Variants in ANOS1 observed in about 807,000 individuals in gnomAD.
The protein encoded by ANOS1 is anosmin 1, also known as anosmin-1.
A neutral mutation model predicts 59.0 loss-of-function variants in ANOS1; 6 were observed. The observed-to-expected ratio is 0.10, with a 90% CI of 0.06 to 0.20. The LOEUF is 0.20. ANOS1 is among the 10% of genes least tolerant of loss of function. ANOS1 has a pLI of 1.00. For synonymous variants in ANOS1, 217 were observed against 223.4 expected, an observed-to-expected ratio of 0.97 and a Z score of 0.25; for missense variants, 433 against 542.3, an observed-to-expected ratio of 0.80 and a Z score of 2.00.
chrX:8,625,841 G>A (rs1020623085), intron 2 of ANOS1, among the ~76,000 whole-genome samples: 5 of 110,526 alleles, frequency 4.5e-5, no homozygotes, highest in African/African-American at 6.6e-5. Context: ...GGCCGGGCAC[G>A]GTGGCTCACA....
At chrX:8,675,026 C>G (rs1198691597) in intron 2 of ANOS1, among the ~76,000 whole-genome samples, 1 of 111,778 alleles carries the variant, frequency 8.9e-6, no homozygotes, top group Admixed American at 9.5e-5. Flanking sequence ...CCACAGCCCA[C>G]TTTTGGTGGA....
At chrX:8,666,066 C>G in intron 2 of ANOS1, among the ~76,000 whole-genome samples, 1 of 110,341 alleles carries the variant, frequency 9.1e-6, no homozygotes, top group Middle Eastern at 4.7e-3. Flanking sequence ...ATTAGCTGGA[C>G]ATGGTGGTAT....
chrX:8,615,478 G>A (rs1227726149), intron 3 of ANOS1, among the ~76,000 whole-genome samples: 2 of 106,756 alleles, frequency 1.9e-5, no homozygotes, highest in Non-Finnish European at 3.9e-5. Context: ...GGGGGGCGGA[G>A]GTTGCACTGA....
rs144215212 is a variant in ANOS1, at chrX:8,644,945, T to C, written c.256-21275A>G. 3.3e-3 allele frequency among the ~76,000 whole-genome samples: 376 copies of C among 112,366 alleles called. 3 individuals carry two copies. Among genetic ancestry groups the C allele is most frequent in the Non-Finnish European group, 5.1e-3 (274 of 53,305 alleles). Reference sequence around the variant, plus strand: ...TAACTTCTTTTTCCCTAAAATGTACTGAGAAGCTGCAACCCAGCTACCTTG... The same window carrying C: ...TAACTTCTTTTTCCCTAAAATGTACCGAGAAGCTGCAACCCAGCTACCTTG... On this transcript the variant is annotated intron_variant, in intron 2 of 13. Coordinates refer to ENST00000262648, the MANE Select transcript of ANOS1 (RefSeq NM_000216.4).
At chrX:8,568,634 G>C (rs1369223582) in intron 7 of ANOS1, among the ~76,000 whole-genome samples, 7 of 109,664 alleles carry the variant, frequency 6.4e-5, no homozygotes, top group Non-Finnish European at 1.3e-4. Context: ...AGGAGTTTGA[G>C]ACTACCTGGG....
intron 2 of ANOS1, among the ~76,000 whole-genome samples, chrX:8,663,442 C>A (rs755855229): frequency 6.3e-5 from 7 of 110,995 alleles, no homozygotes; most frequent in Non-Finnish European, 1.3e-4. Flanking sequence ...TGAAACTGTG[C>A]CCCGAGGAGT....
At chrX:8,667,556 C>T (rs1436401462) in intron 2 of ANOS1, among the ~76,000 whole-genome samples, 1 of 111,704 alleles carries the variant, frequency 9.0e-6, no homozygotes, top group Non-Finnish European at 1.9e-5. Context: ...AAGCAGAGTT[C>T]CAGAGAATGA....
At chrX:8,659,829 A>T (rs1932007662) in intron 2 of ANOS1, among the ~76,000 whole-genome samples, 1 of 110,288 alleles carries the variant, frequency 9.1e-6, no homozygotes, top group African/African-American at 3.3e-5. Flanking sequence ...GGATTTTGCC[A>T]TGTTGGCCAG....
At chrX:8,684,299 A>C (rs966877333) in intron 2 of ANOS1, among the ~76,000 whole-genome samples, 2 of 111,518 alleles carry the variant, frequency 1.8e-5, no homozygotes, top group Non-Finnish European at 3.8e-5. Context: ...GTGCTGCTTC[A>C]TCCAAGAGGG....
intron 2 of ANOS1, among the ~76,000 whole-genome samples, chrX:8,648,020 A>C (rs1005391929): frequency 1.8e-5 from 2 of 112,493 alleles, no homozygotes; most frequent in Non-Finnish European, 3.7e-5. Context: ...TAAATTTATA[A>C]ACTGTATAAA....
chrX:8,651,911 G>A (rs1931856451), intron 2 of ANOS1, among the ~76,000 whole-genome samples: 1 of 111,708 alleles, frequency 9.0e-6, no homozygotes, highest in Non-Finnish European at 1.9e-5. Context: ...CTGGCCTGAT[G>A]TGCATTTATT....
chrX:8,716,570 C>T (rs1303144383), intron 1 of ANOS1, among the ~76,000 whole-genome samples: 3 of 111,853 alleles, frequency 2.7e-5, no homozygotes, highest in African/African-American at 9.8e-5. Context: ...CAGGGTAGGG[C>T]ACCAGCGATC....
intron 2 of ANOS1, among the ~76,000 whole-genome samples, chrX:8,635,233 C>A (rs1306742773): frequency 9.0e-6 from 1 of 111,309 alleles, no homozygotes; most frequent in Non-Finnish European, 1.9e-5. Flanking sequence ...GTCCTTCTTA[C>A]AACATCCAAG....
chrX:8,569,040 G>C (rs188649222), intron 7 of ANOS1, among the ~76,000 whole-genome samples: 32 of 111,336 alleles, frequency 2.9e-4, no homozygotes, highest in Admixed American at 2.0e-3. Context: ...ATTATGAATT[G>C]GCACTAATTG....
At chrX:8,624,499 C>T (rs1352395093) in intron 2 of ANOS1, among the ~76,000 whole-genome samples, 1 of 107,073 alleles carries the variant, frequency 9.3e-6, no homozygotes, top group Non-Finnish European at 1.9e-5. Flanking sequence ...AACTTGTGTC[C>T]TTATCTCAAT....
At chrX:8,541,284 T>C (rs1363862729) in intron 9 of ANOS1, among the ~76,000 whole-genome samples, 1 of 102,728 alleles carries the variant, frequency 9.7e-6, no homozygotes, top group Non-Finnish European at 2.0e-5. Context: ...GCGCCTGTAA[T>C]CCCAGCTACT....
chrX:8,600,599 CTT>C (rs1034522926), intron 3 of ANOS1, among the ~76,000 whole-genome samples: 1 of 111,821 alleles, frequency 8.9e-6, no homozygotes, highest in African/African-American at 3.2e-5. Context: ...TAAAAAGAAA[CTT>C]TATAAGTATT....
chrX:8,728,062 C>T (rs895131003), intron 1 of ANOS1, among the ~76,000 whole-genome samples: 3 of 112,055 alleles, frequency 2.7e-5, no homozygotes, highest in Non-Finnish European at 3.8e-5. Flanking sequence ...AGAGGCCCCA[C>T]GTTTTTATTT....
intron 2 of ANOS1, among the ~76,000 whole-genome samples, chrX:8,637,845 C>T (rs764121819): frequency 3.6e-5 from 4 of 112,410 alleles, no homozygotes; most frequent in Non-Finnish European, 7.5e-5. Context: ...AATATATTTA[C>T]GCAGCATTTG....
Sources: allele counts gnomAD v4.1 joint callset (sites outside exome capture counted in the v4.1 genomes callset), GRCh38; gene constraint gnomAD v4.1.1; transcripts MANE v1.5; gene names NCBI Gene and HGNC (gene_info 2026-07-23, HGNC 2026-07-21).